ETFA: variants seen among roughly 807,000 people sequenced by gnomAD.
ETFA encodes electron transfer flavoprotein subunit alpha, mitochondrial.
Under a neutral mutation model 46.2 loss-of-function variants are expected in ETFA, and 22 were observed. That is an observed-to-expected ratio of 0.48 (90% CI 0.34 to 0.68). ETFA has a LOEUF of 0.68. Among genes scored for constraint, ETFA ranks in the 30% least tolerant of loss-of-function variants. ETFA has a pLI of 0.01. For missense variants in ETFA, 345 were observed against 401.1 expected (o/e 0.86, Z 1.19); for synonymous variants, 131 against 139.9 (o/e 0.94, Z 0.45).
At chr15:76,282,186 G>C (rs769137608) in intron 8 of ETFA, among the ~76,000 whole-genome samples, 5 of 151,916 alleles carry the variant, frequency 3.3e-5, no homozygotes, top group Non-Finnish European at 7.4e-5. Flanking sequence ...TTACAGGTAT[G>C]AGCCACCACG....
chr15:76,303,590 G>C (rs898276370), intron 1 of ETFA, among the ~76,000 whole-genome samples: 1 of 152,008 alleles, frequency 6.6e-6, no homozygotes, highest in African/African-American at 2.4e-5. Flanking sequence ...CTAATAACCA[G>C]AATCTATAAG....
At chr15:76,279,300 G>A (rs1273214601) in intron 8 of ETFA, among the ~76,000 whole-genome samples, 1 of 152,082 alleles carries the variant, frequency 6.6e-6, no homozygotes, top group Non-Finnish European at 1.5e-5. Context: ...TTTTTAGAGA[G>A]GGTCTTGTTC....
At chr15:76,310,375 A>G (rs1342702149) in intron 1 of ETFA, among the ~76,000 whole-genome samples, 4 of 58,586 alleles carry the variant, frequency 6.8e-5, no homozygotes, top group African/African-American at 7.7e-5. Flanking sequence ...CCCAGAAAAA[A>G]AAAAAAAAAA....
chr15:76,289,961 C>T (rs2039743104), intron 4 of ETFA, among the ~76,000 whole-genome samples: 1 of 152,182 alleles, frequency 6.6e-6, no homozygotes, highest in Non-Finnish European at 1.5e-5. Flanking sequence ...GAAGGAAACT[C>T]AAGGCTCATG....
chr15:76,274,186 C>T (rs775523478), intron 9 of ETFA: 160 of 529,762 alleles, frequency 3.0e-4, no homozygotes, highest in Middle Eastern at 5.2e-4. Flanking sequence ...ATAAAATGTT[C>T]CACTGCTTTA....
chr15:76,274,185 T>C lies in ETFA; in HGVS notation c.816+227A>G, dbSNP rs139097487. On this transcript the variant is annotated intron_variant, in intron 9 of 11. Transcript: ENST00000557943. The stretch of plus-strand genomic sequence containing the variant: ...AATATGACTTAATTTGATAAAATGT[T>C]CCACTGCTTTAAAATACTTGAATAA... 4,075 of 534,760 alleles carry C rather than the reference T, an allele frequency of 7.6e-3. 23 individuals carry two copies. The highest frequency in any genetic ancestry group is 0.011 in the Non-Finnish European group (3,206 of 297,678). 33.1% of individuals were successfully genotyped at this position (534,760 alleles called of 1,614,324 possible). A position where few individuals can be genotyped will look rare whatever the true frequency, so the allele number is the denominator to read the frequency against.
rs779892899 is a variant in ETFA, at chr15:76,295,656, T to C, written c.121A>G (p.Ile41Val). 11 of 1,613,436 alleles carry C rather than the reference T, an allele frequency of 6.8e-6. No homozygotes were observed. The highest frequency in any genetic ancestry group is 1.7e-4 in the Middle Eastern group (1 of 6,060). Residue 41 changes from isoleucine (I) to valine (V), a missense_variant, in exon 2 of 12, where the codon ATT becomes GTT. Physicochemically the swap from Ile to Val is conservative, Grantham distance 29. Coordinates refer to ENST00000557943, the MANE Select transcript of ETFA (RefSeq NM_000126.4). ...DSLAPITLNT[I>V]TAATRLGGEV... is the part of the protein sequence containing the mutation. ...CCTCCAAGGCGTGTGGCTGCAGTAA[T>C]GGTATTTAAAGTAATGGGTGCTAGG... is the stretch of plus-strand genomic sequence containing the variant.
chr15:76,282,713 C>G (rs2456030), intron 8 of ETFA, among the ~76,000 whole-genome samples: 149,083 of 152,316 alleles, frequency 0.98, 73,036 homozygotes, highest in South Asian at 1. Flanking sequence ...GGAAAACCCT[C>G]GAAAGTTATA....
rs192994446 is a variant in ETFA at position 76,220,939 on chromosome 15, C to T, written c.964-4342G>A. Among the ~76,000 whole-genome samples the T allele has an allele frequency of 1.9e-4, 29 of 152,292 alleles. No homozygotes were observed. In the East Asian group the frequency reaches 5.6e-3, roughly 29 times the overall value. On this transcript the variant is annotated intron_variant, in intron 11 of 11. Transcript: ENST00000557943. ...TGACGGTTATTCAAAATGTTAAACT[C>T]AGAGTTACCAGGTGACCCAGCAATT...
intron 8 of ETFA, among the ~76,000 whole-genome samples, chr15:76,281,561 G>A (rs1299575182): frequency 1.3e-5 from 2 of 151,846 alleles, no homozygotes; most frequent in African/African-American, 2.4e-5. Flanking sequence ...AAGTAGCTGG[G>A]ACTATAGGCA....
chr15:76,243,442 A>AAAT (rs79614496), intron 9 of ETFA, among the ~76,000 whole-genome samples: 43,099 of 151,780 alleles, frequency 0.28, 6,530 homozygotes, highest in East Asian at 0.56. Flanking sequence ...TTTACATTAA[A>AAAT]AATAATAAGG....
intron 9 of ETFA, among the ~76,000 whole-genome samples, chr15:76,232,039 TAAC>T (rs1355676900): frequency 4.6e-5 from 7 of 151,918 alleles, no homozygotes; most frequent in Non-Finnish European, 1.0e-4. Context: ...GAATAAAAAA[TAAC>T]AAACTTCTCA....
intron 9 of ETFA, among the ~76,000 whole-genome samples, chr15:76,234,808 A>G (rs1483519811): frequency 6.6e-6 from 1 of 152,214 alleles, no homozygotes; most frequent in Non-Finnish European, 1.5e-5. Context: ...TAGAGAAGGG[A>G]TAGCACTTAA....
In ETFA at chr15:76,298,848, C is replaced by A. The variant is rs148782206; in HGVS notation, c.40-3111G>T. On this transcript the variant is annotated intron_variant, in intron 1 of 11. Transcript: ENST00000557943. ...GACCTCTTTTCCTGCTCTAAAAATT[C>A]TATAACTCTAAAATCCTATTTTAAG... Among the ~76,000 whole-genome samples the A allele has an allele frequency of 1.1e-3, 172 of 151,966 alleles. 3 individuals carry two copies. The highest frequency in any genetic ancestry group is 3.8e-3 in the African/African-American group (156 of 41,490).
At chr15:76,251,591 C>T (rs559435064) in intron 9 of ETFA, among the ~76,000 whole-genome samples, 2 of 152,208 alleles carry the variant, frequency 1.3e-5, no homozygotes, top group East Asian at 1.9e-4. Flanking sequence ...GTGCTCAGGG[C>T]GCTAGTCATT....
At chr15:76,260,003 C>T in intron 9 of ETFA, 1 of 1,461,902 alleles carries the variant, frequency 6.8e-7, no homozygotes, top group Non-Finnish European at 9.6e-7. Flanking sequence ...ATGCAAGCTG[C>T]TTTCCTGAGG....
chr15:76,307,232 TTAAC>T (rs1419647162), intron 1 of ETFA, among the ~76,000 whole-genome samples: 4 of 152,232 alleles, frequency 2.6e-5, no homozygotes, highest in African/African-American at 9.7e-5. Flanking sequence ...TGCAAGAATA[TTAAC>T]TAACTGCAAA....
chr15:76,238,403 A>G lies in ETFA; in HGVS notation c.817-7005T>C, dbSNP rs556385176. Among the ~76,000 whole-genome samples the G allele has an allele frequency of 9.8e-4, 149 of 152,324 alleles. 1 individual carries two copies. Among genetic ancestry groups the G allele is most frequent in the African/African-American group, 3.5e-3 (145 of 41,582 alleles). On this transcript the variant is annotated intron_variant, in intron 9 of 11. Coordinates refer to ENST00000557943, the MANE Select transcript of ETFA (RefSeq NM_000126.4). ...TGAAAACTTACATTTCTTTAAATAA[A>G]TAAAAATTTAAACACATCATGTAAG...
intron 1 of ETFA, 84 bp from the exon 2 acceptor site, chr15:76,295,821 T>C: frequency 2.8e-6 from 3 of 1,052,676 alleles, no homozygotes; most frequent in Non-Finnish European, 4.2e-6. Flanking sequence ...GTTAAGCATG[T>C]ATGCTTTAAA....
Sources: allele counts gnomAD v4.1 joint callset (sites outside exome capture counted in the v4.1 genomes callset), GRCh38; gene constraint gnomAD v4.1.1; transcripts MANE v1.5; gene names NCBI Gene and HGNC (gene_info 2026-07-23, HGNC 2026-07-21).